RNASET2: variants seen among roughly 807,000 people sequenced by gnomAD.
RNASET2 encodes the protein ribonuclease 6.
In RNASET2, 28 loss-of-function variants were observed where a neutral mutation model predicts 33.9. That is an observed-to-expected ratio of 0.83 (90% CI 0.61 to 1.13). The LOEUF (loss-of-function observed/expected upper bound fraction) is 1.13. Ranked by LOEUF, RNASET2 falls within the 50% of genes most tolerant of loss-of-function variation. The pLI is 0.00. For synonymous variants in RNASET2, 123 were observed against 121.0 expected (o/e 1.02, Z -0.11); for missense variants, 330 against 319.9 (o/e 1.03, Z -0.24).
chr6:166,950,393 G>C (rs1449366638), intron 2 of RNASET2, among the ~76,000 whole-genome samples: 1 of 152,226 alleles, frequency 6.6e-6, no homozygotes, highest in African/African-American at 2.4e-5. Context: ...AACTGAAAAC[G>C]GGGCAATCTC....
rs1395310183 is a variant in RNASET2, at chr6:166,931,078, A to G, written c.533T>C (p.Val178Ala). 1.2e-6 allele frequency: 2 copies of G among 1,612,716 alleles called. No individual in the cohort carries two copies. The change falls in exon 8 of 9, where the codon GTG (valine) becomes GCG (alanine). Residue 178 changes from valine to alanine, a missense_variant. Transcript: ENST00000508775. The stretch of plus-strand genomic sequence containing the variant: ...TGGAAGGCACTGGATTTTGGGTATC[A>G]CTCCATATACTCTGGCAAGGGCATC... ...FKDALARVYG[V>A]IPKIQCLPPS... is the part of the protein sequence containing the mutation.
chr6:166,948,424 C>T (rs528374849), intron 3 of RNASET2, 146 bp downstream of exon 3: 2 of 710,256 alleles, frequency 2.8e-6, no homozygotes, highest in East Asian at 2.7e-5. Flanking sequence ...GCTAGAAAGA[C>T]TAAAGATATT....
At chr6:166,930,530 G>A (rs1198421937) in intron 8 of RNASET2, among the ~76,000 whole-genome samples, 1 of 146,298 alleles carries the variant, frequency 6.8e-6, no homozygotes, top group Non-Finnish European at 1.5e-5. Flanking sequence ...ATTCACACAT[G>A]CACACACATG....
intron 6 of RNASET2, among the ~76,000 whole-genome samples, chr6:166,937,221 C>T (rs1225237584): frequency 6.6e-6 from 1 of 152,198 alleles, no homozygotes; most frequent in Non-Finnish European, 1.5e-5. Flanking sequence ...ACTGCAACCT[C>T]CACCTCCTGG....
At position 166,933,927 on chromosome 6, in the gene RNASET2, G is replaced by T; in HGVS notation, c.492+164C>A. On this transcript the variant is annotated intron_variant, in intron 7 of 8. Coordinates refer to ENST00000508775, the MANE Select transcript of RNASET2 (RefSeq NM_003730.6). This position sits in a 1 kb window ranked among gnomAD's most constrained non-coding sequence, Gnocchi z 4.1. ...AGCCTTCAGCTCCTACTCAACATGC[G>T]CAGGAAAATAAAATGCAAATAAAAT... is the stretch of plus-strand genomic sequence containing the variant. The T allele has an allele frequency of 1.4e-6, 1 of 692,460 alleles. No individual in the cohort carries two copies. The highest frequency in any genetic ancestry group is 2.6e-6 in the Non-Finnish European group (1 of 379,848). 42.9% of individuals were successfully genotyped at this position (692,460 alleles called of 1,614,324 possible).
At chr6:166,940,345 A>G (rs1028310628) in intron 5 of RNASET2, among the ~76,000 whole-genome samples, 2 of 152,248 alleles carry the variant, frequency 1.3e-5, no homozygotes, top group African/African-American at 4.8e-5. Flanking sequence ...ACTAGTTTTA[A>G]ATAATTCCTA....
rs1236882280 is a variant in RNASET2, at chr6:166,926,144, A to AT, written c.*3443dup. The stretch of plus-strand genomic sequence containing the variant: ...AGAATACTTTCACAATTTAGGCAAA[A>AT]TTTTTTTAAAAAGTTTCCAGTTCAC... On this transcript the variant is annotated 3_prime_UTR_variant, in exon 9 of 9. Transcript: ENST00000508775. Among the ~76,000 whole-genome samples, 1 of 152,094 alleles carries AT rather than the reference A, an allele frequency of 6.6e-6. No individual in the cohort carries two copies. The highest frequency in any genetic ancestry group is 1.5e-5 in the Non-Finnish European group (1 of 68,004).
rs568710667 is a variant in RNASET2, at chr6:166,925,437, A to T, written c.*4151T>A. ...TCCAGCCCGTCCTCACCTACACTGC[A>T]CAGCCCTCACCTCTGCCACCCAGGC... On this transcript the variant is annotated 3_prime_UTR_variant, in exon 9 of 9. Coordinates refer to ENST00000508775, the MANE Select transcript of RNASET2 (RefSeq NM_003730.6). Among the ~76,000 whole-genome samples the T allele has an allele frequency of 7.6e-5, 10 of 131,966 alleles. No individual in the cohort carries two copies. In the South Asian group the frequency reaches 2.7e-3, roughly 35 times the overall value. The allele number at this position is 131,966 out of a possible 152,430, so 86.6% of individuals were successfully genotyped here. A position where few individuals can be genotyped will look rare whatever the true frequency, so the allele number is the denominator to read the frequency against.
chr6:166,936,500 G>A (rs1778572685), intron 6 of RNASET2, among the ~76,000 whole-genome samples: 1 of 152,174 alleles, frequency 6.6e-6, no homozygotes, highest in African/African-American at 2.4e-5. Flanking sequence ...TCTGCTTCTG[G>A]CAAGGGCCTC....
rs117003826 is a variant in RNASET2, at chr6:166,938,961, G to A, written c.380C>T (p.Ala127Val). Residue 127 changes from alanine to valine, a missense_variant, in exon 6 of 9, where the codon GCG becomes GTG. Transcript: ENST00000508775. ...AAAGTACTTCTTCTGGGAGTTGAGC[G>A]CATCCACCTGGGCGGCGCAGGTCCC... ...KHGTCAAQVD[A>V]LNSQKKYFGR... 6.4e-5 allele frequency: 104 copies of A among 1,613,722 alleles called. 1 individual carries two copies. In the East Asian group the frequency reaches 1.2e-3, roughly 19 times the overall value.
intron 7 of RNASET2, 85 bp from the exon 8 acceptor site, chr6:166,931,203 C>T: frequency 1.0e-6 from 1 of 990,596 alleles, no homozygotes; most frequent in Non-Finnish European, 1.6e-6. Flanking sequence ...GCAACAGTGG[C>T]AGGGTCCTGG....
intron 1 of RNASET2, among the ~76,000 whole-genome samples, chr6:166,954,253 G>A (rs1779053806): frequency 1.3e-5 from 2 of 152,200 alleles, no homozygotes; most frequent in South Asian, 4.1e-4. Flanking sequence ...TGAAGCCCTC[G>A]TGGTCTGAAT....
chr6:166,934,025 CT>C, intron 7 of RNASET2, 65 bp downstream of exon 7: 1 of 1,176,572 alleles, frequency 8.5e-7, no homozygotes, highest in Non-Finnish European at 1.3e-6. Flanking sequence ...GACTCAGAGG[CT>C]GAAACGGCCC....
intron 1 of RNASET2, among the ~76,000 whole-genome samples, chr6:166,955,207 ACGCACGCACACACGCGCACACACGCACG>A (rs1779085687): frequency 1.4e-4 from 16 of 111,634 alleles, no homozygotes; most frequent in African/African-American, 2.9e-4. Context: ...GCACGCACAC[ACGCACGCACACACGCGCACACACGCACG>A]CACGCACACA....
chr6:166,943,135 A>C, intron 4 of RNASET2, 46 bp from the exon 5 acceptor site: 2 of 1,408,716 alleles, frequency 1.4e-6, no homozygotes, highest in Admixed American at 1.8e-5. Flanking sequence ...TCTTAATAAT[A>C]AACTCAAAAC....
In RNASET2 at chr6:166,924,349, T is replaced by C. The variant is rs975970314; in HGVS notation, c.*5239A>G. On this transcript the variant is annotated 3_prime_UTR_variant, in exon 9 of 9. Coordinates refer to ENST00000508775, the MANE Select transcript of RNASET2 (RefSeq NM_003730.6). ...CTCCTGACCTTGGGATCCGCCTGCC[T>C]TGGCCTCCCAAAGTGCTGGTATTAC... Among the ~76,000 whole-genome samples, 62 of 152,306 alleles carry C rather than the reference T, an allele frequency of 4.1e-4. No homozygotes were observed. The highest frequency in any genetic ancestry group is 1.5e-3 in the African/African-American group (61 of 41,550).
At chr6:166,952,450 C>CAAA in intron 2 of RNASET2, 38 bp downstream of exon 2, 1 of 1,585,270 alleles carries the variant, frequency 6.3e-7, no homozygotes, top group Non-Finnish European at 8.7e-7. Context: ...TCACAGGGCT[C>CAAA]CCCAGGCCCC....
intron 8 of RNASET2, among the ~76,000 whole-genome samples, chr6:166,930,169 G>T (rs1261805898): frequency 6.6e-6 from 1 of 152,246 alleles, no homozygotes; most frequent in Non-Finnish European, 1.5e-5. Context: ...AATGGCTTTT[G>T]TAGGCCAAAA....
chr6:166,952,385 C>T (rs1779007194), intron 2 of RNASET2, 103 bp downstream of exon 2: 2 of 1,009,704 alleles, frequency 2.0e-6, no homozygotes, highest in African/African-American at 3.2e-5. Context: ...CGATGCCTAC[C>T]TCCCGCACCA....
Sources: gnomAD v4.1 joint callset for allele counts (sites outside exome capture counted in the v4.1 genomes callset) on GRCh38, gnomAD v4.1.1 for gene constraint, Gnocchi (gnomAD v3.1) non-coding constraint, MANE v1.5 for transcripts, NCBI Gene and HGNC (gene_info 2026-07-23, HGNC 2026-07-21) for gene names.